TTC21B: variants seen among roughly 807,000 people sequenced by gnomAD.
TTC21B encodes tetratricopeptide repeat protein 21B.
In TTC21B, 127 loss-of-function variants were observed where a neutral mutation model predicts 175.1. The ratio of observed to expected loss-of-function variants is 0.73; its 90% confidence interval spans 0.63 to 0.84. TTC21B has a LOEUF of 0.84. Ranked by LOEUF, TTC21B falls within the 40% of genes least tolerant of loss-of-function variation. TTC21B has a pLI of 0.00. For missense variants in TTC21B, 1,561 were observed against 1,558.3 expected, an observed-to-expected ratio of 1.00 and a Z score of -0.03; for synonymous variants, 524 against 524.5, an observed-to-expected ratio of 1.00 and a Z score of 0.01.
intron 6 of TTC21B, among the ~76,000 whole-genome samples, chr2:165,940,326 AGAT>A (rs1687319906): frequency 1.3e-5 from 2 of 152,274 alleles, no homozygotes; most frequent in South Asian, 4.1e-4. Context: ...AACAGAATTT[AGAT>A]GATGGCACTC....
intron 11 of TTC21B, among the ~76,000 whole-genome samples, chr2:165,925,626 G>A (rs988251091): frequency 1.7e-4 from 26 of 152,038 alleles, no homozygotes; most frequent in African/African-American, 5.3e-4. Context: ...CGCTCAAAAA[G>A]ATAATCAGAA....
chr2:165,885,010 T>TGTG (rs1684956649), intron 25 of TTC21B, among the ~76,000 whole-genome samples: 1 of 152,034 alleles, frequency 6.6e-6, no homozygotes, highest in African/African-American at 2.4e-5. Flanking sequence ...ACTAGCTGAG[T>TGTG]GTGGTGGCCA....
chr2:165,888,711 T>A (rs745659357), intron 24 of TTC21B, among the ~76,000 whole-genome samples: 12 of 152,218 alleles, frequency 7.9e-5, no homozygotes, highest in Non-Finnish European at 1.5e-5. Context: ...CCATTAAGCA[T>A]TAATTTCCTC....
chr2:165,949,186 G>A (rs1687682866), intron 3 of TTC21B: 2 of 574,690 alleles, frequency 3.5e-6, no homozygotes, highest in African/African-American at 1.9e-5. Flanking sequence ...CTCTGCCAGA[G>A]GATATAAGGA....
chr2:165,929,474 T>G, intron 10 of TTC21B, 139 bp from the exon 11 acceptor site: 2 of 937,660 alleles, frequency 2.1e-6, no homozygotes. Context: ...AATAGACTTT[T>G]AGAATCATTC....
intron 5 of TTC21B, among the ~76,000 whole-genome samples, chr2:165,942,486 A>T (rs1864812): frequency 0.64 from 96,610 of 151,930 alleles, 30,943 homozygotes; most frequent in East Asian, 0.81. Flanking sequence ...TCTCTCTAAT[A>T]GAAGGTAGAA....
intron 11 of TTC21B, among the ~76,000 whole-genome samples, chr2:165,927,349 A>ATTTTATATATATAATATATAATATAT (rs1559065135): frequency 9.4e-5 from 8 of 85,530 alleles, no homozygotes; most frequent in African/African-American, 2.7e-4. Context: ...ATATATATAT[A>ATTTTATATATATAATATATAATATAT]ATATATTTTA....
intron 19 of TTC21B, among the ~76,000 whole-genome samples, chr2:165,905,968 T>C (rs1391589061): frequency 6.6e-6 from 1 of 152,098 alleles, no homozygotes; most frequent in Non-Finnish European, 1.5e-5. Context: ...TTGCAAAGGA[T>C]TGAATCATTC....
chr2:165,945,377 A>T (rs1687514621), intron 4 of TTC21B, 147 bp downstream of exon 4: 4 of 736,344 alleles, frequency 5.4e-6, no homozygotes, highest in Non-Finnish European at 8.9e-6. Flanking sequence ...CATATTGATA[A>T]CCATAAATGG....
chr2:165,916,108 C>A (rs746286152), intron 14 of TTC21B, among the ~76,000 whole-genome samples: 27 of 152,132 alleles, frequency 1.8e-4, no homozygotes, highest in Admixed American at 1.0e-3. Flanking sequence ...CATAGGGAGA[C>A]CCTCTACAAA....
chr2:165,917,525 C>G (rs369560296), intron 13 of TTC21B, 44 bp from the exon 14 acceptor site: 48 of 1,423,052 alleles, frequency 3.4e-5, no homozygotes, highest in Non-Finnish European at 4.6e-5. Flanking sequence ...CTTACAACAT[C>G]AACACATAAT....
intron 11 of TTC21B, among the ~76,000 whole-genome samples, chr2:165,925,453 G>A (rs2105336863): frequency 6.6e-6 from 1 of 152,092 alleles, no homozygotes; most frequent in African/African-American, 2.4e-5. Flanking sequence ...CCTTACTAAG[G>A]CTGTTTCTTT....
At chr2:165,932,362 T>C (rs541229361) in intron 7 of TTC21B, among the ~76,000 whole-genome samples, 10 of 152,246 alleles carry the variant, frequency 6.6e-5, no homozygotes, top group Non-Finnish European at 1.2e-4. Context: ...CTCCTAGCAT[T>C]TACTGAAGTA....
chr2:165,911,086 A>T (rs888983057), intron 18 of TTC21B, among the ~76,000 whole-genome samples: 3 of 152,150 alleles, frequency 2.0e-5, no homozygotes, highest in Admixed American at 1.3e-4. Context: ...AAAGATAACT[A>T]TATTATTTTG....
At chr2:165,875,400 C>CT (rs1684634512) in intron 28 of TTC21B, among the ~76,000 whole-genome samples, 1 of 152,014 alleles carries the variant, frequency 6.6e-6, no homozygotes, top group Non-Finnish European at 1.5e-5. Flanking sequence ...CAAGTATTTA[C>CT]TGTAATGATG....
chr2:165,935,565 A>G lies in TTC21B; in HGVS notation c.711-2508T>C, dbSNP rs187429310. On this transcript the variant is annotated intron_variant, in intron 6 of 28. Coordinates refer to ENST00000243344, the MANE Select transcript of TTC21B (RefSeq NM_024753.5). ...CATGAACATCTATGTAGAAAATCTA[A>G]AAGAATCAATTAAAAAAAACTCCTG... is the stretch of plus-strand genomic sequence containing the variant. Among the ~76,000 whole-genome samples, 5 of 152,292 alleles carry G rather than the reference A, an allele frequency of 3.3e-5. No individual in the cohort carries two copies. The East Asian group carries it at 9.6e-4, about 29-fold the overall frequency.
chr2:165,899,981 T>C (rs1685498312), intron 20 of TTC21B, 101 bp from the exon 21 acceptor site: 4 of 676,786 alleles, frequency 5.9e-6, no homozygotes, highest in Admixed American at 4.2e-5. Context: ...CCAAAAGTCA[T>C]TGCAATAAAA....
At chr2:165,884,508 C>T (rs907542027) in intron 25 of TTC21B, among the ~76,000 whole-genome samples, 10 of 152,078 alleles carry the variant, frequency 6.6e-5, no homozygotes, top group Non-Finnish European at 1.3e-4. Flanking sequence ...TTTTCCCCCT[C>T]CCTTCTCCTT....
At chr2:165,947,681 G>T (rs1687632041) in intron 3 of TTC21B, 1 of 152,122 alleles carries the variant, frequency 6.6e-6, no homozygotes, top group South Asian at 2.1e-4. Flanking sequence ...CAAAGTTGTT[G>T]AAAGATCGCA....
Sources: allele counts gnomAD v4.1 joint callset (sites outside exome capture counted in the v4.1 genomes callset), GRCh38; gene constraint gnomAD v4.1.1; transcripts MANE v1.5; gene names NCBI Gene and HGNC (gene_info 2026-07-23, HGNC 2026-07-21).